The following ZFR2 variants were observed in gnomAD, a reference collection of about 807,000 sequenced individuals.
ZFR2 encodes the protein zinc finger RNA-binding protein 2.
In ZFR2, 104 loss-of-function variants were observed where a neutral mutation model predicts 105.7. The ratio of observed to expected loss-of-function variants is 0.98; its 90% confidence interval spans 0.84 to 1.16. The LOEUF is 1.16. ZFR2 is among the 50% of genes most tolerant of loss of function. ZFR2 has a pLI of 0.00. For synonymous variants in ZFR2, 634 were observed against 597.7 expected (o/e 1.06, Z -0.89); for missense variants, 1,425 against 1,355.5 (o/e 1.05, Z -0.80).
At chr19:3,837,683 T>C (rs1291019486) in intron 1 of ZFR2, among the ~76,000 whole-genome samples, 41 of 121,816 alleles carry the variant, frequency 3.4e-4, no homozygotes, top group Middle Eastern at 6.8e-3. Context: ...CGATGAACAC[T>C]GTGACCGTGA....
In ZFR2 at chr19:3,820,303, G is replaced by A; in HGVS notation, c.1632-13C>T. On this transcript the variant is annotated splice_polypyrimidine_tract_variant and intron_variant, in intron 10 of 18. Coordinates refer to ENST00000262961, the MANE Select transcript of ZFR2 (RefSeq NM_015174.2). ...CTCCTCCAGCCGCCTGCAGGACCGAGACGTGACAGAGCATGGTCAGGCCAG... is the reference window on the plus strand; with the variant it reads ...CTCCTCCAGCCGCCTGCAGGACCGAAACGTGACAGAGCATGGTCAGGCCAG... The A allele has an allele frequency of 6.5e-7, 1 of 1,540,522 alleles. No homozygotes were observed. The highest frequency in any genetic ancestry group is 8.7e-7 in the Non-Finnish European group (1 of 1,145,572).
At chr19:3,844,012 G>GT (rs1410229240) in intron 1 of ZFR2, among the ~76,000 whole-genome samples, 4 of 106,080 alleles carry the variant, frequency 3.8e-5, no homozygotes, top group African/African-American at 1.2e-4. Flanking sequence ...AAAGTAGGAT[G>GT]TGGGGGGGGG....
intron 14 of ZFR2, among the ~76,000 whole-genome samples, chr19:3,812,109 AATTTTTAT>A (rs1406802718): frequency 6.6e-6 from 1 of 151,834 alleles, no homozygotes; most frequent in African/African-American, 2.4e-5. Context: ...ACGCCCAGCT[AATTTTTAT>A]ATTTTTAGTA....
In ZFR2 at chr19:3,813,151, G is replaced by A. The variant is rs1393528295; in HGVS notation, c.2242+669C>T. 6.6e-6 allele frequency among the ~76,000 whole-genome samples: 1 copy of A among 152,148 alleles called. No homozygotes were observed. The highest frequency in any genetic ancestry group is 2.4e-5 in the African/African-American group (1 of 41,432). On this transcript the variant is annotated intron_variant, in intron 14 of 18. Transcript: ENST00000262961. This position sits in a 1 kb window ranked among gnomAD's most constrained non-coding sequence, Gnocchi z 4.4. ...TCAGTAGGTCATGGCCCTCAGTTAT[G>A]ACCAAAAAAGATTACGAAGGGGGTA...
chr19:3,810,932 A>C, intron 15 of ZFR2, 87 bp from the exon 16 acceptor site: 1 of 1,426,280 alleles, frequency 7.0e-7, no homozygotes, highest in Non-Finnish European at 9.6e-7. Context: ...CGTGAACCCC[A>C]GGGAGGATAA....
At chr19:3,841,944 A>G (rs1023617162) in intron 1 of ZFR2, among the ~76,000 whole-genome samples, 3 of 151,912 alleles carry the variant, frequency 2.0e-5, no homozygotes, top group African/African-American at 7.2e-5. Context: ...GAGCCACTGT[A>G]CCTGGCCAAA....
intron 7 of ZFR2, among the ~76,000 whole-genome samples, chr19:3,824,351 G>A (rs1021489483): frequency 4.6e-5 from 7 of 152,178 alleles, no homozygotes; most frequent in South Asian, 2.1e-4. Context: ...GAGGTAAAGC[G>A]AAGCAATGCA....
At chr19:3,812,206 A>G (rs1342219058) in intron 14 of ZFR2, among the ~76,000 whole-genome samples, 1 of 152,016 alleles carries the variant, frequency 6.6e-6, no homozygotes. Context: ...GGCCTCCCAA[A>G]GTGCTAGGAT....
chr19:3,855,161 G>A (rs1050515173), intron 1 of ZFR2, among the ~76,000 whole-genome samples: 1 of 152,178 alleles, frequency 6.6e-6, no homozygotes, highest in Non-Finnish European at 1.5e-5. Context: ...CTCCCAAAGT[G>A]CTGGGATTAC....
At position 3,831,703 on chromosome 19, in the gene ZFR2, G is replaced by C. The variant is rs1437627432; in HGVS notation, c.555C>G (p.Ser185=). The part of the protein sequence containing the change: ...QPESSASIVT[S]YPPPSYNPTC... ...TGGGGTTGTAGGAGGGCGGGGGGTA[G>C]GAGGTCACGATGGAAGCTGACGACT... The change falls in exon 4 of 19, where the codon TCC becomes TCG. Residue 185 remains serine (S), a synonymous_variant. Coordinates refer to ENST00000262961, the MANE Select transcript of ZFR2 (RefSeq NM_015174.2). 2 of 1,585,714 alleles carry C rather than the reference G, an allele frequency of 1.3e-6. No homozygotes were observed. Among genetic ancestry groups the C allele is most frequent in the Non-Finnish European group, 1.7e-6 (2 of 1,164,640 alleles).
At chr19:3,840,637 C>T (rs2038125207) in intron 1 of ZFR2, among the ~76,000 whole-genome samples, 2 of 152,096 alleles carry the variant, frequency 1.3e-5, no homozygotes, top group Admixed American at 6.6e-5. Flanking sequence ...CTCAAGTGAT[C>T]CTCCTGCCTC....
intron 10 of ZFR2, 122 bp downstream of exon 10, chr19:3,821,218 C>T (rs1835439616): frequency 1.5e-6 from 2 of 1,330,528 alleles, no homozygotes; most frequent in African/African-American, 1.5e-5. Context: ...GCACCCGTCT[C>T]CCCCCACTGC....
chr19:3,833,988 G>A (rs1420648046), intron 2 of ZFR2, among the ~76,000 whole-genome samples: 1 of 152,044 alleles, frequency 6.6e-6, no homozygotes, highest in Non-Finnish European at 1.5e-5. Flanking sequence ...CACAGCAGCT[G>A]TCATGGAGCC....
At chr19:3,854,256 G>A (rs1015361722) in intron 1 of ZFR2, among the ~76,000 whole-genome samples, 3 of 152,018 alleles carry the variant, frequency 2.0e-5, no homozygotes, top group Non-Finnish European at 4.4e-5. Flanking sequence ...GCCAGGCATG[G>A]TAGCAGGCTT....
rs1568420742 is a variant in ZFR2 at position 3,820,851 on chromosome 19, GGGTCGGGGGACACAGGGACACTAGA to G, written c.1631+464_1631+488del. On this transcript the variant is annotated intron_variant, in intron 10 of 18. Coordinates refer to ENST00000262961, the MANE Select transcript of ZFR2 (RefSeq NM_015174.2). Reference sequence around the variant, plus strand: ...AGGTCGGGGGACACAGGGACACCGGGGGTCGGGGGACACAGGGACACTAGAGGTCGGGGGACACAGGGACACTAGA... The same window carrying G: ...AGGTCGGGGGACACAGGGACACCGGGGGTCGGGGGACACAGGGACACTAGA... Among the ~76,000 whole-genome samples the G allele has an allele frequency of 1.2e-4, 6 of 49,488 alleles. No individual in the cohort carries two copies. The South Asian group carries it at 1.5e-3, about 13-fold the overall frequency. The allele number at this position is 49,488 out of a possible 152,430, so 32.5% of individuals were successfully genotyped here.
intron 6 of ZFR2, among the ~76,000 whole-genome samples, chr19:3,827,104 C>T (rs1382526613): frequency 5.3e-5 from 8 of 151,960 alleles, no homozygotes; most frequent in African/African-American, 1.2e-4. Flanking sequence ...TAGCCGGGTG[C>T]GGTGGCGGAT....
intron 1 of ZFR2, among the ~76,000 whole-genome samples, chr19:3,866,491 G>T (rs542250302): frequency 8.7e-6 from 1 of 115,022 alleles, no homozygotes; most frequent in Admixed American, 9.1e-5. Context: ...TCAGAACACA[G>T]AAGGTAGCTG....
At chr19:3,808,702 CGGCCCTGTCT>C (rs1298710081) in intron 17 of ZFR2, among the ~76,000 whole-genome samples, 160 bp downstream of exon 17, 1 of 152,260 alleles carries the variant, frequency 6.6e-6, no homozygotes, top group African/African-American at 2.4e-5. Flanking sequence ...TCCATGACCG[CGGCCCTGTCT>C]GCCTTCCTGC....
intron 18 of ZFR2, among the ~76,000 whole-genome samples, chr19:3,806,372 C>T (rs1464581005): frequency 6.6e-6 from 1 of 152,234 alleles, no homozygotes; most frequent in Non-Finnish European, 1.5e-5. Context: ...AAGTGATTCT[C>T]CTGCCTCAGC....
Sources: gnomAD v4.1 joint callset for allele counts (sites outside exome capture counted in the v4.1 genomes callset) on GRCh38, gnomAD v4.1.1 for gene constraint, Gnocchi (gnomAD v3.1) non-coding constraint, MANE v1.5 for transcripts, NCBI Gene and HGNC (gene_info 2026-07-23, HGNC 2026-07-21) for gene names.